The following TEK variants were observed in gnomAD, a reference collection of about 807,000 sequenced individuals.
TEK encodes the protein TEK receptor tyrosine kinase, also known as angiopoietin-1 receptor.
Under a neutral mutation model 131.8 loss-of-function variants are expected in TEK, and 43 were observed. The observed-to-expected ratio is 0.33, with a 90% CI of 0.26 to 0.42. The LOEUF (loss-of-function observed/expected upper bound fraction) is 0.42. Among genes scored for constraint, TEK ranks in the 10% least tolerant of loss-of-function variants. TEK has a pLI of 1.00. For missense variants in TEK, 1,162 were observed against 1,384.4 expected (o/e 0.84, Z 2.55); for synonymous variants, 580 against 491.6 (o/e 1.18, Z -2.38).
intron 1 of TEK, among the ~76,000 whole-genome samples, chr9:27,128,178 T>A: frequency 6.6e-6 from 1 of 152,226 alleles, no homozygotes; most frequent in Non-Finnish European, 1.5e-5. Context: ...GGGATCCAGT[T>A]TCAGCTTTCT....
rs540787797 is a variant in TEK at position 27,130,345 on chromosome 9, A to C, written c.52+20703A>C. 2.6e-3 allele frequency among the ~76,000 whole-genome samples: 396 copies of C among 152,338 alleles called. 3 individuals are homozygous for C. The highest frequency in any genetic ancestry group is 9.1e-3 in the African/African-American group (378 of 41,590). Reference sequence around the variant, plus strand: ...TTGGAAAAAAGGGTTGTTTAAAAAAACCATCTCTTACCACACACCAAAATA... The same window carrying C: ...TTGGAAAAAAGGGTTGTTTAAAAAACCCATCTCTTACCACACACCAAAATA... On this transcript the variant is annotated intron_variant, in intron 1 of 22. Coordinates refer to ENST00000380036, the MANE Select transcript of TEK (RefSeq NM_000459.5).
At chr9:27,217,026 C>A (rs958176041) in intron 18 of TEK, among the ~76,000 whole-genome samples, 1 of 152,148 alleles carries the variant, frequency 6.6e-6, no homozygotes, top group Non-Finnish European at 1.5e-5. Flanking sequence ...TTTTGCCTAG[C>A]CTGGGATCAG....
At chr9:27,157,710 G>A in intron 1 of TEK, 121 bp from the exon 2 acceptor site, 1 of 1,206,316 alleles carries the variant, frequency 8.3e-7, no homozygotes, top group South Asian at 1.3e-5. Flanking sequence ...CACATGGTCA[G>A]AATAGCATTT....
At chr9:27,131,589 C>T (rs1288508389) in intron 1 of TEK, among the ~76,000 whole-genome samples, 2 of 150,318 alleles carry the variant, frequency 1.3e-5, no homozygotes, top group Non-Finnish European at 3.0e-5. Flanking sequence ...TTGGGAGGAT[C>T]GTTTGAGCCT....
intron 18 of TEK, among the ~76,000 whole-genome samples, chr9:27,215,832 G>A (rs1219321412): frequency 2.0e-5 from 3 of 152,070 alleles, no homozygotes; most frequent in African/African-American, 7.2e-5. Context: ...TAGATGCTAC[G>A]GGAACACAAA....
At position 27,192,560 on chromosome 9, in the gene TEK, C is replaced by G; in HGVS notation, c.1561C>G (p.Arg521Gly). ...TEYELCVQLV[R>G]RGEGGEGHPG... The stretch of plus-strand genomic sequence containing the variant: ...ATATGAACTCTGTGTGCAACTGGTC[C>G]GTCGTGGAGAGGGTGGGGAAGGGCA... Residue 521 changes from arginine (R) to glycine (G), a missense_variant, in exon 11 of 23, where the codon CGT becomes GGT. Physicochemically the swap from Arg to Gly is moderately radical, Grantham distance 125. This residue lies in a region of TEK where 477 missense variants were observed against 471.0 expected (regional missense o/e 1.01). Coordinates refer to ENST00000380036, the MANE Select transcript of TEK (RefSeq NM_000459.5). 1 of 1,613,840 alleles carries G rather than the reference C, an allele frequency of 6.2e-7. No homozygotes were observed. The highest frequency in any genetic ancestry group is 8.5e-7 in the Non-Finnish European group (1 of 1,179,886).
intron 22 of TEK, among the ~76,000 whole-genome samples, chr9:27,228,770 A>G (rs946284266): frequency 1.3e-5 from 2 of 152,192 alleles, no homozygotes; most frequent in African/African-American, 4.8e-5. Flanking sequence ...GTTTAAAGAA[A>G]TAGTCATCAA....
At chr9:27,148,235 T>A (rs1445903555) in intron 1 of TEK, among the ~76,000 whole-genome samples, 1 of 152,246 alleles carries the variant, frequency 6.6e-6, no homozygotes, top group African/African-American at 2.4e-5. Context: ...CACCAGATAT[T>A]ATGACCCTCT....
intron 1 of TEK, among the ~76,000 whole-genome samples, chr9:27,157,609 C>G (rs950534748): frequency 1.3e-5 from 2 of 152,090 alleles, no homozygotes; most frequent in African/African-American, 4.8e-5. Flanking sequence ...CTAGGGTATG[C>G]AGTGGGGCAG....
In TEK at chr9:27,109,479, C is replaced by A; in HGVS notation, c.-112C>A. 1 of 1,090,324 alleles carries A rather than the reference C, an allele frequency of 9.2e-7. No homozygotes were observed. The highest frequency in any genetic ancestry group is 1.4e-6 in the Non-Finnish European group (1 of 703,836). The allele number at this position is 1,090,324 out of a possible 1,614,324, so 67.5% of individuals were successfully genotyped here. Reference sequence around the variant, plus strand: ...TTCCTTCTTGCCTCTAACTTGTAAACAAGACGTAGTAGGACGATGCTAATG... The same window carrying A: ...TTCCTTCTTGCCTCTAACTTGTAAAAAAGACGTAGTAGGACGATGCTAATG... On this transcript the variant is annotated 5_prime_UTR_variant, in exon 1 of 23. Coordinates refer to ENST00000380036, the MANE Select transcript of TEK (RefSeq NM_000459.5).
At chr9:27,186,609 C>G (rs780556804) in intron 9 of TEK, among the ~76,000 whole-genome samples, 1 of 152,172 alleles carries the variant, frequency 6.6e-6, no homozygotes, top group Non-Finnish European at 1.5e-5. Flanking sequence ...ATTGTAAGCA[C>G]AAATCTTAGT....
At chr9:27,157,428 A>G (rs577773466) in intron 1 of TEK, among the ~76,000 whole-genome samples, 1 of 152,314 alleles carries the variant, frequency 6.6e-6, no homozygotes, top group South Asian at 2.1e-4. Context: ...TTTCTTTAGA[A>G]TACTTTATTA....
At chr9:27,181,182 T>C (rs1824356659) in intron 7 of TEK, among the ~76,000 whole-genome samples, 1 of 152,196 alleles carries the variant, frequency 6.6e-6, no homozygotes, top group African/African-American at 2.4e-5. Context: ...TAACTACTAA[T>C]AGCCTTCTGT....
rs1265114028 is a variant in TEK, at chr9:27,185,552, CT to C, written c.1251del (p.Asp418ThrfsTer9). On this transcript the variant is annotated frameshift_variant, in exon 9 of 23. Coordinates refer to ENST00000380036, the MANE Select transcript of TEK (RefSeq NM_000459.5). LOFTEE classifies it high-confidence loss of function. Reference protein sequence around the residue: ...AIFTIHRILPPDSGVWVCSVN... With the variant: ...AIFTIHRILPXDSGVWVCSVN... ...TTCACCATCCACCGGATCCTCCCCC[CT>C]GACTCAGGAGTTTGGGTCTGCAGTG... 6.2e-7 allele frequency: 1 copy of C among 1,613,886 alleles called. No individual in the cohort carries two copies. Among genetic ancestry groups the C allele is most frequent in the Non-Finnish European group, 8.5e-7 (1 of 1,179,840 alleles).
At chr9:27,167,389 G>A (rs938268038) in intron 2 of TEK, among the ~76,000 whole-genome samples, 1 of 151,920 alleles carries the variant, frequency 6.6e-6, no homozygotes, top group Non-Finnish European at 1.5e-5. Context: ...CACCGTGCCC[G>A]GCTAATTTTT....
rs1826409186 is a variant in TEK, at chr9:27,228,061, C to G, written c.3201-145C>G. ...GAGACTGGCTTAGGGAGGTGGGAGTCCTCATAGAAACTTCCTAGGGGCTGT... is the reference window on the plus strand; with the variant it reads ...GAGACTGGCTTAGGGAGGTGGGAGTGCTCATAGAAACTTCCTAGGGGCTGT... On this transcript the variant is annotated intron_variant, in intron 21 of 22. Coordinates refer to ENST00000380036, the MANE Select transcript of TEK (RefSeq NM_000459.5). The G allele has an allele frequency of 5.0e-6, 3 of 598,986 alleles. No homozygotes were observed. The South Asian group carries it at 5.7e-5, about 11-fold the overall frequency. The allele number at this position is 598,986 out of a possible 1,614,324, so 37.1% of individuals were successfully genotyped here.
intron 2 of TEK, among the ~76,000 whole-genome samples, chr9:27,162,338 A>T (rs1189891158): frequency 6.6e-6 from 1 of 152,220 alleles, no homozygotes; most frequent in Non-Finnish European, 1.5e-5. Context: ...AACACAGCTT[A>T]AATTGGCTCA....
chr9:27,219,385 G>A (rs889452298), intron 20 of TEK, among the ~76,000 whole-genome samples: 1 of 152,082 alleles, frequency 6.6e-6, no homozygotes, highest in Non-Finnish European at 1.5e-5. Context: ...ACTAACACAG[G>A]AATAGAAAAC....
At chr9:27,138,813 GTA>G (rs1427463456) in intron 1 of TEK, among the ~76,000 whole-genome samples, 1 of 152,146 alleles carries the variant, frequency 6.6e-6, no homozygotes, top group Non-Finnish European at 1.5e-5. Flanking sequence ...CAGGAATTGA[GTA>G]TGTGTGAATT....
Sources: gnomAD v4.1 joint callset for allele counts (sites outside exome capture counted in the v4.1 genomes callset) on GRCh38, gnomAD v4.1.1 for gene constraint, gnomAD v4.1.1 regional missense constraint, MANE v1.5 for transcripts, NCBI Gene and HGNC (gene_info 2026-07-23, HGNC 2026-07-21) for gene names.